SLC12A2: variants seen among roughly 807,000 people sequenced by gnomAD.
The protein encoded by SLC12A2 is solute carrier family 12 member 2, also known as Na-K-2Cl cotransporter 1.
In SLC12A2, 67 loss-of-function variants were observed where a neutral mutation model predicts 136.3. That is an observed-to-expected ratio of 0.49 (90% CI 0.40 to 0.60). The LOEUF is 0.60. Ranked by LOEUF, SLC12A2 falls within the 20% of genes least tolerant of loss-of-function variation. SLC12A2 has a pLI of 0.00. For missense variants in SLC12A2, 1,322 were observed against 1,534.7 expected, an observed-to-expected ratio of 0.86 and a Z score of 2.32; for synonymous variants, 619 against 562.9, an observed-to-expected ratio of 1.10 and a Z score of -1.41.
At chr5:128,134,343 ACT>A (rs1163702646) in intron 6 of SLC12A2, 68 bp downstream of exon 6, 10 of 824,210 alleles carry the variant, frequency 1.2e-5, no homozygotes, top group African/African-American at 5.1e-5. Context: ...TTTTGGGAAC[ACT>A]CTGAAGTATG....
In SLC12A2 at chr5:128,186,610, T is replaced by G; in HGVS notation, c.3618T>G (p.Ser1206Arg). The change falls in exon 27 of 27, where the codon AGT becomes AGG. Residue 1206 changes from serine (S) to arginine (R), a missense_variant. Around this residue, in one of 8 missense-constraint regions of SLC12A2, gnomAD observed 172 missense variants for 227.4 expected, o/e 0.76. Coordinates refer to ENST00000262461, the MANE Select transcript of SLC12A2 (RefSeq NM_001046.3). ...PILLVRGNHQ[S>R]VLTFYS ...TCCTAGTTCGTGGGAATCATCAGAG[T>G]GTCCTTACCTTCTATTCATAAATGT... is the stretch of plus-strand genomic sequence containing the variant. 1.9e-6 allele frequency: 3 copies of G among 1,613,992 alleles called. No individual in the cohort carries two copies. Among genetic ancestry groups the G allele is most frequent in the Non-Finnish European group, 2.5e-6 (3 of 1,179,928 alleles).
chr5:128,161,904 A>C (rs781695397), intron 17 of SLC12A2, 104 bp downstream of exon 17: 2 of 805,202 alleles, frequency 2.5e-6, no homozygotes, highest in Non-Finnish European at 3.5e-6. Context: ...AAAAATGGCA[A>C]ATCTTTTTTT....
At chr5:128,125,802 G>T (rs368411676) in intron 4 of SLC12A2, among the ~76,000 whole-genome samples, 1 of 152,092 alleles carries the variant, frequency 6.6e-6, no homozygotes, top group Non-Finnish European at 1.5e-5. Flanking sequence ...TTTATCTGTG[G>T]ACAATCTCAA....
intron 1 of SLC12A2, among the ~76,000 whole-genome samples, chr5:128,097,444 G>T (rs1350731455): frequency 6.6e-6 from 1 of 151,896 alleles, no homozygotes; most frequent in African/African-American, 2.4e-5. Context: ...ATACTTTTTA[G>T]TCCATTTACA....
At chr5:128,144,017 T>G (rs569169531) in intron 10 of SLC12A2, among the ~76,000 whole-genome samples, 81 of 152,020 alleles carry the variant, frequency 5.3e-4, no homozygotes, top group African/African-American at 1.9e-3. Flanking sequence ...AGTTTGTGTT[T>G]TCTAGTCATA....
intron 4 of SLC12A2, among the ~76,000 whole-genome samples, chr5:128,126,614 A>G (rs931838367): frequency 1.3e-5 from 2 of 152,184 alleles, no homozygotes. Flanking sequence ...AAGATTTGTC[A>G]TCTGAATAGA....
At chr5:128,121,877 A>G (rs4835943) in intron 4 of SLC12A2, among the ~76,000 whole-genome samples, 52,874 of 152,016 alleles carry the variant, frequency 0.35, 11,896 homozygotes, top group African/African-American at 0.64. Flanking sequence ...ACGGATCTGT[A>G]CAACAGGTTT....
At chr5:128,151,551 C>G (rs1346559949) in intron 14 of SLC12A2, among the ~76,000 whole-genome samples, 155 bp downstream of exon 14, 1 of 147,766 alleles carries the variant, frequency 6.8e-6, no homozygotes, top group East Asian at 2.1e-4. Context: ...TTCCAAACTC[C>G]TAAAGTTTTT....
rs140329897 is a variant in SLC12A2 at position 128,149,144 on chromosome 5, T to TC, written c.2005+271dup. 7.3e-3 allele frequency among the ~76,000 whole-genome samples: 1,111 copies of TC among 151,946 alleles called. 14 individuals are homozygous for TC. The highest frequency in any genetic ancestry group is 0.025 in the African/African-American group (1,037 of 41,528). ...TGGCATAAGGGAAAGGATTCTAGTG[T>TC]CCCCTGTGACATCAGTGCCTTTGAT... On this transcript the variant is annotated intron_variant, in intron 12 of 26. Transcript: ENST00000262461.
At chr5:128,132,734 G>GACCTTTACATTGACC in intron 5 of SLC12A2, among the ~76,000 whole-genome samples, 1 of 152,204 alleles carries the variant, frequency 6.6e-6, no homozygotes, top group African/African-American at 2.4e-5. Flanking sequence ...ACCTTTACAT[G>GACCTTTACATTGACC]TTTACACCAA....
chr5:128,119,012 T>C (rs1289425603), intron 4 of SLC12A2, among the ~76,000 whole-genome samples: 1 of 152,154 alleles, frequency 6.6e-6, no homozygotes. Context: ...GGATTCAATG[T>C]GTAGGTATGA....
chr5:128,167,841 T>G lies in SLC12A2; in HGVS notation c.2697T>G (p.Asp899Glu). The change falls in exon 18 of 27, where the codon GAT (aspartate) becomes GAG (glutamate). Residue 899 changes from aspartate (D) to glutamate (E), a missense_variant. Physicochemically the swap from Asp to Glu is conservative, Grantham distance 45. Transcript: ENST00000262461. ...KKDWLQADMR[D>E]VDMYINLFHD... is the part of the protein sequence containing the mutation. ...ATTGGTTGCAAGCAGATATGAGGGA[T>G]GTGGATATGTATATAAACTTATTTC... The G allele has an allele frequency of 6.3e-7, 1 of 1,595,552 alleles. No homozygotes were observed. The highest frequency in any genetic ancestry group is 8.6e-7 in the Non-Finnish European group (1 of 1,166,760).
intron 9 of SLC12A2, among the ~76,000 whole-genome samples, chr5:128,139,170 C>T (rs1332681298): frequency 6.6e-6 from 1 of 151,816 alleles, no homozygotes; most frequent in Non-Finnish European, 1.5e-5. Flanking sequence ...TATGAAATTG[C>T]ATCTATAAAC....
intron 9 of SLC12A2, among the ~76,000 whole-genome samples, chr5:128,141,230 A>G (rs1168340291): frequency 6.6e-6 from 1 of 152,150 alleles, no homozygotes; most frequent in Non-Finnish European, 1.5e-5. Flanking sequence ...ATATTAGTAC[A>G]TGGTTAATCT....
chr5:128,095,363 G>T, intron 1 of SLC12A2, among the ~76,000 whole-genome samples: 1 of 152,050 alleles, frequency 6.6e-6, no homozygotes, highest in East Asian at 1.9e-4. Flanking sequence ...ATTTTGCAAG[G>T]CTGTAGTTTG....
chr5:128,105,371 C>T (rs970801583), intron 1 of SLC12A2, among the ~76,000 whole-genome samples: 6 of 152,170 alleles, frequency 3.9e-5, no homozygotes, highest in African/African-American at 1.4e-4. Context: ...GCTAAAGGAA[C>T]TCCTACCACT....
intron 5 of SLC12A2, among the ~76,000 whole-genome samples, chr5:128,132,615 T>G (rs1454679772): frequency 1.3e-5 from 2 of 152,122 alleles, no homozygotes; most frequent in Admixed American, 6.5e-5. Context: ...GAACCTCAAG[T>G]GACACCTATA....
At chr5:128,129,736 T>C (rs1761946348) in intron 4 of SLC12A2, among the ~76,000 whole-genome samples, 1 of 152,146 alleles carries the variant, frequency 6.6e-6, no homozygotes, top group Non-Finnish European at 1.5e-5. Context: ...CTCAAGTATT[T>C]AATCAGTTAA....
In SLC12A2 at chr5:128,084,087, G is replaced by C; in HGVS notation, c.133G>C (p.Asp45His). The part of the protein sequence containing the change: ...PGTAVPSVPE[D>H]AAPASRDGGG... ...CACGGCTGTGCCCTCGGTGCCGGAG[G>C]ATGCTGCGCCCGCGAGCCGGGACGG... Residue 45 changes from aspartate (D) to histidine (H), a missense_variant, in exon 1 of 27, where the codon GAT becomes CAT. Around this residue, in one of 8 missense-constraint regions of SLC12A2, gnomAD observed 358 missense variants for 299.7 expected, o/e 1.19. Transcript: ENST00000262461. The surrounding 1 kb of genome is among the most constrained non-coding windows in gnomAD (Gnocchi z 5.6). 4 of 1,316,350 alleles carry C rather than the reference G, an allele frequency of 3.0e-6. No homozygotes were observed. Among genetic ancestry groups the C allele is most frequent in the Non-Finnish European group, 3.9e-6 (4 of 1,036,858 alleles). 81.5% of individuals were successfully genotyped at this position (1,316,350 alleles called of 1,614,324 possible). A position where few individuals can be genotyped will look rare whatever the true frequency, so the allele number is the denominator to read the frequency against.
Sources: allele counts gnomAD v4.1 joint callset (sites outside exome capture counted in the v4.1 genomes callset), GRCh38; gene constraint gnomAD v4.1.1; regional missense constraint gnomAD v4.1.1; non-coding constraint Gnocchi (gnomAD v3.1); transcripts MANE v1.5; gene names NCBI Gene and HGNC (gene_info 2026-07-23, HGNC 2026-07-21).